DOCK1: variants seen among roughly 807,000 people sequenced by gnomAD.
The protein encoded by DOCK1 is dedicator of cytokinesis 1.
A neutral mutation model predicts 262.7 loss-of-function variants in DOCK1; 138 were observed. That is an observed-to-expected ratio of 0.53 (90% CI 0.46 to 0.61). The LOEUF is 0.61. Among genes scored for constraint, DOCK1 ranks in the 20% least tolerant of loss-of-function variants. DOCK1 has a pLI of 0.00. For missense variants in DOCK1, 1,908 were observed against 2,370.7 expected (o/e 0.80, Z 4.05); for synonymous variants, 866 against 867.4 (o/e 1.00, Z 0.03).
intron 1 of DOCK1, among the ~76,000 whole-genome samples, chr10:126,906,137 G>A (rs1289517919): frequency 1.3e-5 from 2 of 152,204 alleles, no homozygotes; most frequent in Non-Finnish European, 1.5e-5. Flanking sequence ...GACCGTGTGG[G>A]ACCTTGGAGA....
chr10:127,037,747 C>A lies in DOCK1; in HGVS notation c.1941C>A (p.Arg647=). The A allele has an allele frequency of 6.3e-7, 1 of 1,595,518 alleles. No individual in the cohort carries two copies. Among genetic ancestry groups the A allele is most frequent in the South Asian group, 1.1e-5 (1 of 87,330 alleles). Residue 647 remains arginine (R), a synonymous_variant, in exon 19 of 52, where the codon CGC becomes CGA. Coordinates refer to ENST00000623213, the MANE Select transcript of DOCK1 (RefSeq NM_001290223.2). The part of the protein sequence containing the change: ...NVDLLGLLKW[R]SNTSLLQQNL... ...ACCTTCTGGGGCTCTTGAAATGGCG[C>A]TCCAACACCAGCCTGCTGCAGCAGA... is the stretch of plus-strand genomic sequence containing the variant.
intron 33 of DOCK1, 100 bp from the exon 34 acceptor site, chr10:127,373,681 A>T: frequency 9.2e-7 from 1 of 1,092,188 alleles, no homozygotes; most frequent in South Asian, 1.4e-5. Context: ...GTAGCCATCT[A>T]TGATGATCTC....
Position 127,310,117 on chromosome 10 carries a change from C to T in DOCK1, c.3045-28889C>T, listed in dbSNP as rs534384828. Among the ~76,000 whole-genome samples, 9 of 152,218 alleles carry T rather than the reference C, an allele frequency of 5.9e-5. No individual in the cohort carries two copies. The East Asian group carries it at 9.6e-4, about 16-fold the overall frequency. ...CTCGAACTCCCAACCTCAAGTGATC[C>T]GCCTGCCTTAGCCTCCCAAAGTGTT... On this transcript the variant is annotated intron_variant, in intron 29 of 51. Coordinates refer to ENST00000623213, the MANE Select transcript of DOCK1 (RefSeq NM_001290223.2).
intron 42 of DOCK1, among the ~76,000 whole-genome samples, chr10:127,410,576 C>CT (rs1262926726): frequency 1.3e-5 from 2 of 152,238 alleles, no homozygotes; most frequent in African/African-American, 2.4e-5. Flanking sequence ...CACCTTTCCT[C>CT]TGTTTTTGCT....
chr10:127,449,629 C>T (rs1165230519), intron 51 of DOCK1, among the ~76,000 whole-genome samples: 11 of 152,082 alleles, frequency 7.2e-5, no homozygotes, highest in Admixed American at 4.6e-4. Flanking sequence ...TCAGGTGACA[C>T]GCTGGTGGTT....
At position 126,934,672 on chromosome 10, in the gene DOCK1, T is replaced by A. The variant is rs2034432485; in HGVS notation, c.46+29109T>A. On this transcript the variant is annotated intron_variant, in intron 1 of 51. Transcript: ENST00000623213. ...AAGATGTGTGTCAACTTAACCTACT[T>A]TCGTACCTGCTGTGAGTCTAACTTT... 2.6e-5 allele frequency among the ~76,000 whole-genome samples: 4 copies of A among 152,136 alleles called. No homozygotes were observed. In the South Asian group the frequency reaches 8.3e-4, roughly 32 times the overall value.
At chr10:127,401,823 T>C (rs7081616) in intron 38 of DOCK1, among the ~76,000 whole-genome samples, 33,840 of 152,182 alleles carry the variant, frequency 0.22, 3,860 homozygotes, top group Middle Eastern at 0.28. Context: ...ACTAGCTACC[T>C]GCTGTAACAG....
intron 27 of DOCK1, among the ~76,000 whole-genome samples, chr10:127,231,145 T>C (rs754906652): frequency 7.9e-5 from 12 of 152,146 alleles, no homozygotes; most frequent in Non-Finnish European, 1.8e-4. Context: ...ACTCATCTGG[T>C]AATTCTTTTC....
At chr10:126,959,772 G>T (rs1006477104) in intron 1 of DOCK1, among the ~76,000 whole-genome samples, 1 of 152,158 alleles carries the variant, frequency 6.6e-6, no homozygotes, top group Admixed American at 6.5e-5. Context: ...TGGTTAGACT[G>T]TTGGAAGTTG....
intron 38 of DOCK1, among the ~76,000 whole-genome samples, chr10:127,395,791 T>C (rs1212268530): frequency 6.6e-6 from 1 of 152,112 alleles, no homozygotes. Flanking sequence ...GATTCCACAG[T>C]GTCAAAGACC....
chr10:127,336,571 ACT>A (rs1392692735), intron 29 of DOCK1, among the ~76,000 whole-genome samples: 1 of 146,352 alleles, frequency 6.8e-6, no homozygotes, highest in African/African-American at 2.6e-5. Flanking sequence ...GACAAGTCTC[ACT>A]CTGTCACCCA....
intron 22 of DOCK1, among the ~76,000 whole-genome samples, chr10:127,060,959 C>A (rs146321817): frequency 6.6e-6 from 1 of 152,128 alleles, no homozygotes; most frequent in Non-Finnish European, 1.5e-5. Flanking sequence ...GGCCGCCTGG[C>A]GGCTCACGCC....
chr10:126,968,051 A>G (rs986402042), intron 1 of DOCK1, among the ~76,000 whole-genome samples: 17 of 152,036 alleles, frequency 1.1e-4, no homozygotes, highest in African/African-American at 3.9e-4. Flanking sequence ...CCTGGCCTCA[A>G]GTGATCTGCC....
chr10:127,086,607 A>G (rs1375726871), intron 23 of DOCK1, among the ~76,000 whole-genome samples: 1 of 152,178 alleles, frequency 6.6e-6, no homozygotes, highest in African/African-American at 2.4e-5. Flanking sequence ...TATGTATATA[A>G]CAGTTAATTA....
Position 127,175,881 on chromosome 10 carries a change from G to A in DOCK1, c.2847+48117G>A. On this transcript the variant is annotated intron_variant, in intron 27 of 51. Transcript: ENST00000623213. The surrounding 1 kb of genome is among the most constrained non-coding windows in gnomAD (Gnocchi z 6.3). ...GTGTTGGTTGGAATGGAAAACCAAGGCTGTGGTCTTGTGCACCCGCCCCGC... is the reference window on the plus strand; with the variant it reads ...GTGTTGGTTGGAATGGAAAACCAAGACTGTGGTCTTGTGCACCCGCCCCGC... The A allele has an allele frequency of 6.2e-7, 1 of 1,614,186 alleles. No individual in the cohort carries two copies. Among genetic ancestry groups the A allele is most frequent in the Non-Finnish European group, 8.5e-7 (1 of 1,180,036 alleles).
rs187633256 is a variant in DOCK1 at position 127,061,368 on chromosome 10, C to T, written c.2337-300C>T. Reference sequence around the variant, plus strand: ...CCTTCTCTTCCTCGGCCCTTTCCACCCTCCCTTTCTGTATATTTTCTGTGT... The same window carrying T: ...CCTTCTCTTCCTCGGCCCTTTCCACTCTCCCTTTCTGTATATTTTCTGTGT... On this transcript the variant is annotated intron_variant, in intron 22 of 51. Transcript: ENST00000623213. Among the ~76,000 whole-genome samples, 59 of 152,296 alleles carry T rather than the reference C, an allele frequency of 3.9e-4. 1 individual carries two copies. Among genetic ancestry groups the T allele is most frequent in the South Asian group, 8.3e-4 (4 of 4,824 alleles).
chr10:127,132,684 C>A (rs1016430313), intron 27 of DOCK1, among the ~76,000 whole-genome samples: 9 of 152,158 alleles, frequency 5.9e-5, no homozygotes, highest in Non-Finnish European at 8.8e-5. Context: ...GAGTAAGAAG[C>A]ACTCCAGGCT....
rs1165050464 is a variant in DOCK1, at chr10:127,310,261, C to G, written c.3045-28745C>G. On this transcript the variant is annotated intron_variant, in intron 29 of 51. Coordinates refer to ENST00000623213, the MANE Select transcript of DOCK1 (RefSeq NM_001290223.2). ...GAGCCTGTTGTATGCCATACCCCCA[C>G]CCCACCCCCTTACCCCCACCCCTAC... Among the ~76,000 whole-genome samples the G allele has an allele frequency of 8.7e-5, 12 of 137,880 alleles. 1 individual carries two copies. Among genetic ancestry groups the G allele is most frequent in the African/African-American group, 3.2e-4 (12 of 37,034 alleles). The allele number at this position is 137,880 out of a possible 152,430, so 90.5% of individuals were successfully genotyped here. A position where few individuals can be genotyped will look rare whatever the true frequency, so the allele number is the denominator to read the frequency against.
At chr10:127,388,746 G>C (rs1008166567) in intron 38 of DOCK1, among the ~76,000 whole-genome samples, 1 of 152,126 alleles carries the variant, frequency 6.6e-6, no homozygotes, top group African/African-American at 2.4e-5. Flanking sequence ...CAAAATGACA[G>C]TGTTCATGTC....
Sources: allele counts gnomAD v4.1 joint callset (sites outside exome capture counted in the v4.1 genomes callset), GRCh38; gene constraint gnomAD v4.1.1; non-coding constraint Gnocchi (gnomAD v3.1); transcripts MANE v1.5; gene names NCBI Gene and HGNC (gene_info 2026-07-23, HGNC 2026-07-21).